Variants in GATA3 observed in about 807,000 individuals in gnomAD.
The protein encoded by GATA3 is trans-acting T-cell-specific transcription factor GATA-3.
A neutral mutation model predicts 36.0 loss-of-function variants in GATA3; 6 were observed. That is an observed-to-expected ratio of 0.17 (90% CI 0.09 to 0.33). The LOEUF is 0.33. GATA3 is among the 10% of genes least tolerant of loss of function. GATA3 has a pLI of 1.00. For missense variants in GATA3, 514 were observed against 610.1 expected (o/e 0.84, Z 1.66); for synonymous variants, 326 against 273.0 (o/e 1.19, Z -1.92).
At chr10:8,069,672 T>G in intron 5 of GATA3, 74 bp downstream of exon 5, 1 of 1,548,264 alleles carries the variant, frequency 6.5e-7, no homozygotes, top group South Asian at 1.1e-5. Flanking sequence ...ACCACCACCC[T>G]CTCCAAGTGA....
At chr10:8,050,818 G>T, upstream of GATA3, 1 of 395,952 alleles carries the variant, frequency 2.5e-6, no homozygotes, top group South Asian at 2.0e-5. Context: ...TGACCGCCCC[G>T]GGCGGCCCGA....
chr10:8,055,884 C>T lies in GATA3; in HGVS notation c.229C>T (p.Pro77Ser), dbSNP rs1325423656. 7 of 1,561,582 alleles carry T rather than the reference C, an allele frequency of 4.5e-6. No homozygotes were observed. In the Admixed American group the frequency reaches 5.7e-5, roughly 13 times the overall value. ...CAGGGCCACGGTGCAGAGGTACCCT[C>T]CGACCCACCACGGTGAGTGCGCCCG... is the stretch of plus-strand genomic sequence containing the variant. The part of the protein sequence containing the change: ...SVRATVQRYP[P>S]THHGSQVCRP... Residue 77 changes from proline (P) to serine (S), a missense_variant, in exon 2 of 6, where the codon CCG becomes TCG. Pro to Ser is a moderately conservative substitution (Grantham distance 74, BLOSUM62 -1). Coordinates refer to ENST00000379328, the MANE Select transcript of GATA3 (RefSeq NM_001002295.2). This position sits in a 1 kb window ranked among gnomAD's most constrained non-coding sequence, Gnocchi z 5.4.
rs1279388351 is a variant in GATA3, at chr10:8,058,732, G to T, written c.669G>T (p.Pro223=). The change falls in exon 3 of 6, where the codon CCG becomes CCT. Residue 223 remains proline (P), a synonymous_variant. Coordinates refer to ENST00000379328, the MANE Select transcript of GATA3 (RefSeq NM_001002295.2). Reference sequence around the variant, plus strand: ...CCCACCACCCCATCACCACCTACCCGCCCTACGTGCCCGAGTACAGCTCCG... The same window carrying T: ...CCCACCACCCCATCACCACCTACCCTCCCTACGTGCCCGAGTACAGCTCCG... ...SSTHHPITTY[P]PYVPEYSSGL... 6.2e-7 allele frequency: 1 copy of T among 1,612,054 alleles called. No individual in the cohort carries two copies. Among genetic ancestry groups the T allele is most frequent in the East Asian group, 2.2e-5 (1 of 44,834 alleles).
intron 3 of GATA3, among the ~76,000 whole-genome samples, chr10:8,063,702 C>A (rs572352170): frequency 6.6e-6 from 1 of 152,148 alleles, no homozygotes; most frequent in Non-Finnish European, 1.5e-5. Context: ...TGGTCCTGCC[C>A]GATCTTCTCC....
At chr10:8,051,353 A>C, upstream of GATA3, 1 of 231,984 alleles carries the variant, frequency 4.3e-6, no homozygotes, top group Non-Finnish European at 9.4e-6. Flanking sequence ...GCCGACCCGC[A>C]CGCCGCCCCG....
rs576821612 is a variant in GATA3, at chr10:8,073,640, C to T, written c.1051-99C>T. ...CTGAAATGGAAACAGATCCCTGATC[C>T]GGGGCGGTCAGTGGAACCCTTCTTG... On this transcript the variant is annotated intron_variant, in intron 5 of 5. Transcript: ENST00000379328. 7,738 of 1,295,802 alleles carry T rather than the reference C, an allele frequency of 6.0e-3. 60 individuals are homozygous for T. Among genetic ancestry groups the T allele is most frequent in the South Asian group, 0.024 (1,719 of 73,056 alleles). 80.3% of individuals were successfully genotyped at this position (1,295,802 alleles called of 1,614,324 possible).
chr10:8,055,941 CG>C lies in GATA3; in HGVS notation c.241+46del. ...CGGGGCTCCCGCCGGCCGCTTCAGC[CG>C]TCCCGGCTCGGGGAGGTCGGGAGGG... On this transcript the variant is annotated intron_variant, in intron 2 of 5. Transcript: ENST00000379328. This position sits in a 1 kb window ranked among gnomAD's most constrained non-coding sequence, Gnocchi z 5.4. 6.5e-7 allele frequency: 1 copy of C among 1,549,438 alleles called. No homozygotes were observed. The highest frequency in any genetic ancestry group is 1.2e-5 in the South Asian group (1 of 83,936).
chr10:8,053,925 T>C (rs1832565515), upstream of GATA3: 1 of 152,420 alleles, frequency 6.6e-6, no homozygotes, highest in Non-Finnish European at 1.5e-5. This position sits in a 1 kb window ranked among gnomAD's most constrained non-coding sequence, Gnocchi z 5.1. Context: ...TCCCTCACTG[T>C]TGCCACTCAA....
chr10:8,052,487 G>T (rs1222578486), upstream of GATA3: 1 of 152,226 alleles, frequency 6.6e-6, no homozygotes, highest in African/African-American at 2.4e-5. Flanking sequence ...TCTGACGCGG[G>T]GACTTCTCTC....
intron 3 of GATA3, among the ~76,000 whole-genome samples, chr10:8,061,477 A>AG (rs1157167468): frequency 3.3e-5 from 5 of 152,152 alleles, no homozygotes; most frequent in Non-Finnish European, 7.3e-5. Context: ...GTCACCTAAG[A>AG]GAGAGGTGTC....
At chr10:8,064,777 C>T (rs996849049) in intron 4 of GATA3, among the ~76,000 whole-genome samples, 1 of 152,226 alleles carries the variant, frequency 6.6e-6, no homozygotes, top group Admixed American at 6.5e-5. Context: ...TGGGAAACGT[C>T]GTGTGAGTCC....
chr10:8,056,218 C>A (rs950257104), intron 2 of GATA3, among the ~76,000 whole-genome samples: 1 of 152,006 alleles, frequency 6.6e-6, no homozygotes, highest in South Asian at 2.1e-4. Context: ...TCGGGATGTC[C>A]CCAAGCGCGG....
In GATA3 at chr10:8,058,545, T is replaced by C. The variant is rs2131489596; in HGVS notation, c.482T>C (p.Val161Ala). The change falls in exon 3 of 6, where the codon GTC (valine) becomes GCC (alanine). Residue 161 changes from valine (V) to alanine (A), a missense_variant. Physicochemically the swap from Val to Ala is moderately conservative, Grantham distance 64 (BLOSUM62 0). Coordinates refer to ENST00000379328, the MANE Select transcript of GATA3 (RefSeq NM_001002295.2). The stretch of plus-strand genomic sequence containing the variant: ...TTCCCGCCCACCCCGCCGAAGGACG[T>C]CTCCCCGGACCCATCGCTGTCCACC... ...FTFPPTPPKDVSPDPSLSTPG... is the reference protein window; with the variant it reads ...FTFPPTPPKDASPDPSLSTPG... 6.2e-7 allele frequency: 1 copy of C among 1,611,640 alleles called. No homozygotes were observed. The highest frequency in any genetic ancestry group is 8.5e-7 in the Non-Finnish European group (1 of 1,179,762).
At chr10:8,046,600 C>T (rs902579648) in intron 1 of GATA3, among the ~76,000 whole-genome samples, 1 of 151,016 alleles carries the variant, frequency 6.6e-6, no homozygotes, top group Non-Finnish European at 1.5e-5. Flanking sequence ...CAGGTTGAGT[C>T]CATCCAGGCA....
At chr10:8,073,617 G>A in intron 5 of GATA3, 122 bp from the exon 6 acceptor site, 2 of 1,127,926 alleles carry the variant, frequency 1.8e-6, no homozygotes, top group Admixed American at 2.5e-5. Context: ...GGGGCCAGCT[G>A]AAATGGAAAC....
Position 8,074,498 on chromosome 10 carries a change from A to C in GATA3, c.*475A>C. On this transcript the variant is annotated 3_prime_UTR_variant, in exon 6 of 6. Transcript: ENST00000379328. ...CTGGCCACAGTTGTTTGATGCATTA[A>C]AAGAAAATAAAAAAAAGAAAAAAGA... The C allele has an allele frequency of 4.2e-6, 1 of 236,332 alleles. No homozygotes were observed. Among genetic ancestry groups the C allele is most frequent in the East Asian group, 6.0e-5 (1 of 16,650 alleles). 14.6% of individuals were successfully genotyped at this position (236,332 alleles called of 1,614,324 possible).
At position 8,055,693 on chromosome 10, in the gene GATA3, A is replaced by G. The variant is rs1399335578; in HGVS notation, c.38A>G (p.His13Arg). Residue 13 changes from histidine to arginine, a missense_variant, in exon 2 of 6, where the codon CAC becomes CGC. Physicochemically the swap from His to Arg is conservative, Grantham distance 29 (BLOSUM62 0). This residue lies in a region of GATA3 where 381 missense variants were observed against 354.3 expected (regional missense o/e 1.08). Coordinates refer to ENST00000379328, the MANE Select transcript of GATA3 (RefSeq NM_001002295.2). This position sits in a 1 kb window ranked among gnomAD's most constrained non-coding sequence, Gnocchi z 5.4. ...GCGGACCAGCCGCGCTGGGTGAGCC[A>G]CCACCACCCCGCCGTGCTCAACGGG... Reference protein sequence around the residue: ...VTADQPRWVSHHHPAVLNGQH... With the variant: ...VTADQPRWVSRHHPAVLNGQH... 9.6e-6 allele frequency: 15 copies of G among 1,559,276 alleles called. No individual in the cohort carries two copies. The highest frequency in any genetic ancestry group is 1.3e-5 in the Non-Finnish European group (15 of 1,152,048).
intron 5 of GATA3, among the ~76,000 whole-genome samples, chr10:8,070,456 C>G (rs1832913676): frequency 6.6e-6 from 1 of 151,474 alleles, no homozygotes; most frequent in African/African-American, 2.4e-5. Flanking sequence ...TACATTAACT[C>G]TAAAGACAAA....
In GATA3 at chr10:8,058,679, A is replaced by G. The variant is rs2131490464; in HGVS notation, c.616A>G (p.Thr206Ala). The G allele has an allele frequency of 2.5e-6, 4 of 1,613,162 alleles. No homozygotes were observed. The highest frequency in any genetic ancestry group is 3.4e-6 in the Non-Finnish European group (4 of 1,179,938). Residue 206 changes from threonine to alanine, a missense_variant, in exon 3 of 6, where the codon ACC (threonine) becomes GCC (alanine). This residue lies in a region of GATA3 where 381 missense variants were observed against 354.3 expected (regional missense o/e 1.08). Transcript: ENST00000379328. ...GTCGTCCCACTCCCGTGGCAGCATG[A>G]CCGCCCTGGGTGGAGCCTCCTCGTC... ...LESSHSRGSMTALGGASSSTH... is the reference protein window; with the variant it reads ...LESSHSRGSMAALGGASSSTH...
Sources: allele counts gnomAD v4.1 joint callset (sites outside exome capture counted in the v4.1 genomes callset), GRCh38; gene constraint gnomAD v4.1.1; regional missense constraint gnomAD v4.1.1; non-coding constraint Gnocchi (gnomAD v3.1); transcripts MANE v1.5; gene names NCBI Gene and HGNC (gene_info 2026-07-23, HGNC 2026-07-21).